NAV2: variants seen among roughly 807,000 people sequenced by gnomAD.
NAV2 encodes neuron navigator 2.
A neutral mutation model predicts 223.2 loss-of-function variants in NAV2; 54 were observed. That is an observed-to-expected ratio of 0.24 (90% CI 0.19 to 0.30). NAV2 has a LOEUF of 0.30. NAV2 is among the 10% of genes least tolerant of loss of function. NAV2 has a pLI of 1.00. For missense variants in NAV2, 2,806 were observed against 3,147.5 expected (o/e 0.89, Z 2.60); for synonymous variants, 1,279 against 1,239.3 (o/e 1.03, Z -0.67).
chr11:19,393,931 C>T (rs539370468), intron 1 of NAV2, among the ~76,000 whole-genome samples: 2 of 122,038 alleles, frequency 1.6e-5, no homozygotes, highest in East Asian at 5.5e-4. Flanking sequence ...GGTCAAATCT[C>T]ACTTCTAAAA....
chr11:19,571,450 G>A (rs1199229726), intron 1 of NAV2, among the ~76,000 whole-genome samples: 3 of 152,256 alleles, frequency 2.0e-5, no homozygotes, highest in African/African-American at 7.2e-5. Flanking sequence ...GTGCCAGCCT[G>A]TAATCCCAGC....
intron 1 of NAV2, among the ~76,000 whole-genome samples, chr11:19,807,032 GA>G (rs1249000935): frequency 6.6e-6 from 1 of 152,110 alleles, no homozygotes; most frequent in Non-Finnish European, 1.5e-5. Flanking sequence ...GCTCCCCCAG[GA>G]ACTCTGATGC....
At chr11:20,089,820 A>T (rs1010059437) in intron 26 of NAV2, among the ~76,000 whole-genome samples, 2 of 152,140 alleles carry the variant, frequency 1.3e-5, no homozygotes, top group Non-Finnish European at 2.9e-5. Context: ...TGAAGAGCAA[A>T]CCTAAGTAAC....
chr11:19,826,453 C>A (rs2059642493), intron 1 of NAV2, among the ~76,000 whole-genome samples: 1 of 152,182 alleles, frequency 6.6e-6, no homozygotes, highest in Admixed American at 6.5e-5. Context: ...CTGATGAAAT[C>A]TATCTTTGAT....
chr11:19,863,823 G>A (rs1185612219), intron 3 of NAV2, among the ~76,000 whole-genome samples: 1 of 152,222 alleles, frequency 6.6e-6, no homozygotes, highest in East Asian at 1.9e-4. Flanking sequence ...TGGGGATTAT[G>A]TCTGTTTTAT....
At chr11:19,953,246 C>T (rs1434433033) in intron 10 of NAV2, among the ~76,000 whole-genome samples, 1 of 152,118 alleles carries the variant, frequency 6.6e-6, no homozygotes, top group Non-Finnish European at 1.5e-5. Flanking sequence ...TCAGAAGTTT[C>T]TCCCTCTCAG....
At chr11:19,527,433 T>A (rs2043875967) in intron 1 of NAV2, among the ~76,000 whole-genome samples, 1 of 152,106 alleles carries the variant, frequency 6.6e-6, no homozygotes, top group Non-Finnish European at 1.5e-5. Flanking sequence ...ACTAATTCAT[T>A]GCTCTTTCTC....
chr11:19,402,617 C>T (rs1277990342), intron 1 of NAV2, among the ~76,000 whole-genome samples: 1 of 152,080 alleles, frequency 6.6e-6, no homozygotes, highest in Non-Finnish European at 1.5e-5. Flanking sequence ...TGCTTTATCC[C>T]CAGTACCTGG....
intron 3 of NAV2, among the ~76,000 whole-genome samples, chr11:19,866,317 A>G (rs1476683974): frequency 1.3e-5 from 2 of 152,174 alleles, no homozygotes; most frequent in Non-Finnish European, 2.9e-5. Flanking sequence ...TCCCATTGTG[A>G]CAGCCCCAAA....
At chr11:19,443,670 C>T (rs1355149518) in intron 1 of NAV2, among the ~76,000 whole-genome samples, 1 of 152,204 alleles carries the variant, frequency 6.6e-6, no homozygotes, top group Non-Finnish European at 1.5e-5. Flanking sequence ...TTACACTGCT[C>T]AAGCTCTGCT....
chr11:19,438,969 G>T (rs1009101409), intron 1 of NAV2, among the ~76,000 whole-genome samples: 1 of 151,710 alleles, frequency 6.6e-6, no homozygotes, highest in African/African-American at 2.4e-5. Flanking sequence ...TAGCTCAATC[G>T]CCAGCCCCTC....
chr11:19,755,000 A>T (rs1340382995), intron 1 of NAV2, among the ~76,000 whole-genome samples: 2 of 152,138 alleles, frequency 1.3e-5, no homozygotes, highest in African/African-American at 4.8e-5. Context: ...CGTCACCCAC[A>T]ACTTGCAAAC....
intron 26 of NAV2, among the ~76,000 whole-genome samples, chr11:20,090,645 A>G (rs2060777273): frequency 1.3e-5 from 2 of 152,200 alleles, no homozygotes; most frequent in Non-Finnish European, 2.9e-5. Flanking sequence ...ACGATTTTAA[A>G]CATCAGTGGT....
chr11:19,976,635 G>A (rs557578558), intron 10 of NAV2, among the ~76,000 whole-genome samples: 104 of 152,232 alleles, frequency 6.8e-4, no homozygotes, highest in Non-Finnish European at 1.2e-3. Context: ...ACTAGCCAGA[G>A]TCAGCTCCAG....
chr11:19,732,624 C>T (rs2051903545), intron 1 of NAV2, among the ~76,000 whole-genome samples: 1 of 152,192 alleles, frequency 6.6e-6, no homozygotes, highest in East Asian at 1.9e-4. Context: ...ATACCCCTGG[C>T]TTCTTAGGAG....
chr11:19,909,526 C>T (rs137994497), intron 6 of NAV2, among the ~76,000 whole-genome samples: 2 of 152,276 alleles, frequency 1.3e-5, no homozygotes, highest in East Asian at 3.9e-4. Flanking sequence ...TGCACAGAAA[C>T]CACTTTCCAT....
At chr11:20,018,918 A>G (rs58918126) in intron 11 of NAV2, among the ~76,000 whole-genome samples, 4,078 of 152,226 alleles carry the variant, frequency 0.027, 167 homozygotes, top group African/African-American at 0.09. Context: ...TCCAGAAAGG[A>G]GGCACAGTGC....
At chr11:20,117,526 G>A (rs1002917931) in intron 37 of NAV2, among the ~76,000 whole-genome samples, 6 of 152,078 alleles carry the variant, frequency 3.9e-5, no homozygotes, top group African/African-American at 9.7e-5. Context: ...CTTTGCACTC[G>A]GAGCCTTTGC....
intron 11 of NAV2, among the ~76,000 whole-genome samples, chr11:20,014,025 T>C (rs1462963337): frequency 6.6e-5 from 10 of 152,206 alleles, no homozygotes; most frequent in Non-Finnish European, 1.5e-4. Flanking sequence ...TCCTACAACA[T>C]GAGGGCTGCA....
Sources: allele counts gnomAD v4.1 joint callset (sites outside exome capture counted in the v4.1 genomes callset), GRCh38; gene constraint gnomAD v4.1.1; transcripts MANE v1.5; gene names NCBI Gene and HGNC (gene_info 2026-07-23, HGNC 2026-07-21).